ATG13: variants seen among roughly 807,000 people sequenced by gnomAD.
ATG13 encodes autophagy-related protein 13.
In ATG13, 23 loss-of-function variants were observed where a neutral mutation model predicts 65.5. That is an observed-to-expected ratio of 0.35 (90% confidence interval 0.25 to 0.50). The LOEUF (loss-of-function observed/expected upper bound fraction) is 0.50. Among genes scored for constraint, ATG13 ranks in the 20% least tolerant of loss-of-function variants. ATG13 has a pLI of 0.98. For synonymous variants in ATG13, 252 were observed against 245.2 expected (o/e 1.03, Z -0.26); for missense variants, 566 against 677.0 (o/e 0.84, Z 1.82).
At position 46,644,278 on chromosome 11, in the gene ATG13, G is replaced by A; in HGVS notation, c.-13-1G>A. On this transcript the variant is annotated splice_acceptor_variant, in intron 2 of 18. Transcript: ENST00000683050. LOFTEE classifies it low-confidence loss of function (5UTR_SPLICE). ...ATATTTTTTTCACTTTTTTTTTTTA[G>A]ATTCCTATAGGCAATGGAAACTGAT... The A allele has an allele frequency of 6.4e-7, 1 of 1,557,610 alleles. No homozygotes were observed. Among genetic ancestry groups the A allele is most frequent in the Non-Finnish European group, 8.6e-7 (1 of 1,156,732 alleles).
chr11:46,669,624 C>A (rs1368800164), intron 18 of ATG13, 92 bp downstream of exon 18: 3 of 1,422,716 alleles, frequency 2.1e-6, no homozygotes, highest in African/African-American at 2.9e-5. Context: ...TTCTATCTTC[C>A]CTGTAATAGG....
chr11:46,656,155 T>A, intron 7 of ATG13, 78 bp from the exon 8 acceptor site: 1 of 1,292,452 alleles, frequency 7.7e-7, no homozygotes. Flanking sequence ...TGTTTTATTT[T>A]GTTTCTACGT....
chr11:46,643,302 TCTA>T (rs1272666469), intron 2 of ATG13, among the ~76,000 whole-genome samples: 1 of 152,154 alleles, frequency 6.6e-6, no homozygotes, highest in African/African-American at 2.4e-5. Flanking sequence ...AGGGAGGTCT[TCTA>T]CTACTTTTAT....
intron 14 of ATG13, 28 bp from the exon 15 acceptor site, chr11:46,667,745 G>A (rs772949871): frequency 4.5e-6 from 7 of 1,545,124 alleles, no homozygotes; most frequent in African/African-American, 4.1e-5. Context: ...GTTTGAGAAC[G>A]AGTACTAACT....
Position 46,627,058 on chromosome 11 carries a change from G to A in ATG13, c.-69-2987G>A, listed in dbSNP as rs542928380. 1.5e-3 allele frequency among the ~76,000 whole-genome samples: 223 copies of A among 152,240 alleles called. 2 individuals are homozygous for A. The highest frequency in any genetic ancestry group is 0.014 in the Middle Eastern group (4 of 294). ...AGTTCGAGACCAGCCTGGCCAACAT[G>A]GCAAAACCTCATCTCTACTAAAAAT... On this transcript the variant is annotated intron_variant, in intron 1 of 18. Coordinates refer to ENST00000683050, the MANE Select transcript of ATG13 (RefSeq NM_001346311.2).
intron 7 of ATG13, 58 bp from the exon 8 acceptor site, chr11:46,656,175 A>G (rs2060014397): frequency 3.3e-6 from 5 of 1,505,364 alleles, no homozygotes; most frequent in Non-Finnish European, 4.6e-6. Flanking sequence ...TGTTTTGGCT[A>G]TAGAGGCCCT....
Position 46,665,389 on chromosome 11 carries a change from G to GT in ATG13, c.1008dup (p.Pro337SerfsTer21). 1 of 1,613,756 alleles carries GT rather than the reference G, an allele frequency of 6.2e-7. No homozygotes were observed. Among genetic ancestry groups the GT allele is most frequent in the Non-Finnish European group, 8.5e-7 (1 of 1,179,812 alleles). ...TTTCCATTTTTCCCCAAAGCTGATG[G>GT]TTCCTGGGAAGGAAGGTGGGGTACC... On this transcript the variant is annotated frameshift_variant, in exon 14 of 19. Transcript: ENST00000683050. LOFTEE classifies it high-confidence loss of function.
intron 18 of ATG13, 48 bp from the exon 19 acceptor site, chr11:46,672,207 T>G: frequency 6.2e-7 from 1 of 1,613,530 alleles, no homozygotes; most frequent in Non-Finnish European, 8.5e-7. Flanking sequence ...GGCTGCCTCC[T>G]CAAGGCCCTG....
At chr11:46,666,671 G>T (rs1392155670) in intron 14 of ATG13, among the ~76,000 whole-genome samples, 28 of 152,146 alleles carry the variant, frequency 1.8e-4, no homozygotes, top group Non-Finnish European at 1.5e-5. Context: ...TAGCTCACAG[G>T]GCACAAGGGC....
In ATG13 at chr11:46,672,940, CA is replaced by C; in HGVS notation, c.*609del. 3.1e-6 allele frequency: 2 copies of C among 636,372 alleles called. No individual in the cohort carries two copies. The highest frequency in any genetic ancestry group is 3.9e-5 in the South Asian group (2 of 51,796). The allele number at this position is 636,372 out of a possible 1,614,324, so 39.4% of individuals were successfully genotyped here. A position where few individuals can be genotyped will look rare whatever the true frequency, so the allele number is the denominator to read the frequency against. On this transcript the variant is annotated 3_prime_UTR_variant, in exon 19 of 19. Coordinates refer to ENST00000683050, the MANE Select transcript of ATG13 (RefSeq NM_001346311.2). ...CTACCCAAGATCAGAACTCCAAAAC[CA>C]CTCCCACCCCTGAAGGTCGGGAGGG...
At chr11:46,626,841 T>C (rs1196782494) in intron 1 of ATG13, among the ~76,000 whole-genome samples, 1 of 152,226 alleles carries the variant, frequency 6.6e-6, no homozygotes, top group Non-Finnish European at 1.5e-5. Flanking sequence ...CATCTTCATT[T>C]ATTGCACAGC....
chr11:46,642,884 C>T (rs191848005), intron 2 of ATG13, among the ~76,000 whole-genome samples: 7 of 152,320 alleles, frequency 4.6e-5, no homozygotes, highest in Admixed American at 4.6e-4. Context: ...ATTCAAGATG[C>T]TCATGGTCTG....
intron 1 of ATG13, among the ~76,000 whole-genome samples, chr11:46,624,691 T>C (rs2048893753): frequency 6.6e-6 from 1 of 152,112 alleles, no homozygotes; most frequent in Non-Finnish European, 1.5e-5. Flanking sequence ...TCAATTGTTG[T>C]CCAGGCCAAG....
In ATG13 at chr11:46,669,513, A is replaced by G. The variant is rs2063214701; in HGVS notation, c.1556A>G (p.Gln519Arg). ...LSSLSIDIGA[Q>R]SMAEDLDSLP... ...AGCCTCTCCATAGATATTGGAGCAC[A>G]GTCCATGGCTGAAGACTTGGTATGG... is the stretch of plus-strand genomic sequence containing the variant. The change falls in exon 18 of 19, where the codon CAG becomes CGG. Residue 519 changes from glutamine (Q) to arginine (R), a missense_variant. Physicochemically the swap from Gln to Arg is conservative, Grantham distance 43 (BLOSUM62 1). Around this residue, in one of 2 missense-constraint regions of ATG13, gnomAD observed 387 missense variants for 409.8 expected, o/e 0.94. Coordinates refer to ENST00000683050, the MANE Select transcript of ATG13 (RefSeq NM_001346311.2). 4 of 1,614,012 alleles carry G rather than the reference A, an allele frequency of 2.5e-6. No individual in the cohort carries two copies. The highest frequency in any genetic ancestry group is 1.3e-5 in the African/African-American group (1 of 74,930).
At chr11:46,655,295 G>A (rs1430521250) in intron 7 of ATG13, among the ~76,000 whole-genome samples, 1 of 152,124 alleles carries the variant, frequency 6.6e-6, no homozygotes, top group Admixed American at 6.6e-5. Context: ...CTGCTCGGGA[G>A]GCTGAGGCAG....
At chr11:46,643,505 C>G (rs754806014) in intron 2 of ATG13, among the ~76,000 whole-genome samples, 1 of 152,058 alleles carries the variant, frequency 6.6e-6, no homozygotes, top group Non-Finnish European at 1.5e-5. Flanking sequence ...CTTAATATTT[C>G]TAAACCTAAT....
intron 2 of ATG13, among the ~76,000 whole-genome samples, chr11:46,635,729 T>A (rs2053710474): frequency 6.6e-6 from 1 of 152,162 alleles, no homozygotes; most frequent in Admixed American, 6.6e-5. Flanking sequence ...CACATAGGCC[T>A]GGGAGATAAC....
chr11:46,636,715 C>T (rs1310596520), intron 2 of ATG13, among the ~76,000 whole-genome samples: 1 of 151,992 alleles, frequency 6.6e-6, no homozygotes, highest in Non-Finnish European at 1.5e-5. Flanking sequence ...CCTCAACCTC[C>T]CAAAGAGCTG....
intron 11 of ATG13, 45 bp from the exon 12 acceptor site, chr11:46,663,952 T>C (rs766244299): frequency 2.5e-5 from 29 of 1,144,666 alleles, no homozygotes; most frequent in Admixed American, 6.4e-5. Flanking sequence ...TTTCTTTTTT[T>C]TTTTTTTTTT....
Sources: gnomAD v4.1 joint callset for allele counts (sites outside exome capture counted in the v4.1 genomes callset) on GRCh38, gnomAD v4.1.1 for gene constraint, gnomAD v4.1.1 regional missense constraint, MANE v1.5 for transcripts, NCBI Gene and HGNC (gene_info 2026-07-23, HGNC 2026-07-21) for gene names.